Variants in TMX3 observed in about 807,000 individuals in gnomAD.
TMX3 encodes thioredoxin related transmembrane protein 3, also known as protein disulfide-isomerase TMX3.
A neutral mutation model predicts 64.4 loss-of-function variants in TMX3; 40 were observed. That is an observed-to-expected ratio of 0.62 (90% confidence interval 0.48 to 0.81). TMX3 has a LOEUF of 0.81. TMX3 is among the 30% of genes least tolerant of loss of function. The pLI, the probability that TMX3 is intolerant of heterozygous loss-of-function variation, is 0.00. For synonymous variants in TMX3, 189 were observed against 175.7 expected (o/e 1.08, Z -0.60); for missense variants, 497 against 534.5 (o/e 0.93, Z 0.69).
In TMX3 at chr18:68,679,482, T is replaced by C; in HGVS notation, c.1085A>G (p.Asp362Gly). 1 of 1,612,230 alleles carries C rather than the reference T, an allele frequency of 6.2e-7. No homozygotes were observed. The highest frequency in any genetic ancestry group is 8.5e-7 in the Non-Finnish European group (1 of 1,179,178). Residue 362 changes from aspartate to glycine, a missense_variant, in exon 15 of 16, where the codon GAT becomes GGT. By Grantham distance (94) the Asp-to-Gly change is moderately conservative. Around this residue, in one of 3 missense-constraint regions of TMX3, gnomAD observed 43 missense variants for 75.3 expected, o/e 0.57. Transcript: ENST00000299608. Reference protein sequence around the residue: ...ILQRLKRIVFDAKSTIVSIFK... With the variant: ...ILQRLKRIVFGAKSTIVSIFK... ...ACTTACCACAATAGTAGATTTGGCA[T>C]CAAATACTATTCTTTTCAATCTCTG...
At chr18:68,695,178 T>C (rs188481874) in intron 8 of TMX3, among the ~76,000 whole-genome samples, 68 of 152,308 alleles carry the variant, frequency 4.5e-4, no homozygotes, top group Non-Finnish European at 9.0e-4. Flanking sequence ...AACCTCCATG[T>C]GGACACACAT....
Position 68,712,806 on chromosome 18 carries a change from C to A in TMX3, c.101+1040G>T, listed in dbSNP as rs75647034. 5.3e-3 allele frequency among the ~76,000 whole-genome samples: 812 copies of A among 152,170 alleles called. 9 individuals carry two copies. Among genetic ancestry groups the A allele is most frequent in the African/African-American group, 0.019 (771 of 41,512 alleles). ...TCAGTGAGCATCCCCCATGACCCAA[C>A]AGCATGAGCAGCGAAGTGCCCCCAT... is the stretch of plus-strand genomic sequence containing the variant. On this transcript the variant is annotated intron_variant, in intron 2 of 15. Transcript: ENST00000299608.
At chr18:68,700,899 C>T in intron 5 of TMX3, 2 of 984,894 alleles carry the variant, frequency 2.0e-6, no homozygotes, top group Non-Finnish European at 2.4e-6. Context: ...TACAACATGA[C>T]AGTTACTTGA....
At position 68,689,062 on chromosome 18, in the gene TMX3, T is replaced by C. The variant is rs1914244822; in HGVS notation, c.638-1297A>G. The stretch of plus-strand genomic sequence containing the variant: ...CTGAATCTAAAATAAAAGCTGAAAT[T>C]ATATATGTAAGAAAGGAAATATACT... On this transcript the variant is annotated intron_variant, in intron 9 of 15. Coordinates refer to ENST00000299608, the MANE Select transcript of TMX3 (RefSeq NM_019022.5). 6.6e-5 allele frequency: 10 copies of C among 152,182 alleles called. No individual in the cohort carries two copies. The South Asian group carries it at 2.1e-3, about 32-fold the overall frequency. The allele number at this position is 152,182 out of a possible 1,614,324, so 9.4% of individuals were successfully genotyped here.
chr18:68,677,160 A>C lies in TMX3; in HGVS notation c.1138T>G (p.Phe380Val), dbSNP rs1367280761. The change falls in exon 16 of 16, where the codon TTT becomes GTT. Residue 380 changes from phenylalanine to valine, a missense_variant. Phe to Val is a conservative substitution (Grantham distance 50). Coordinates refer to ENST00000299608, the MANE Select transcript of TMX3 (RefSeq NM_019022.5). ...ACACCCAGTGGCAGGCCAAAGAGAA[A>C]GCAGCCCATCAGTGGTGAGCTCTTG... Reference protein sequence around the residue: ...IFKSSPLMGCFLFGLPLGVIS... With the variant: ...IFKSSPLMGCVLFGLPLGVIS... 6.2e-7 allele frequency: 1 copy of C among 1,613,644 alleles called. No homozygotes were observed. The highest frequency in any genetic ancestry group is 8.5e-7 in the Non-Finnish European group (1 of 1,179,724).
intron 10 of TMX3, among the ~76,000 whole-genome samples, chr18:68,686,537 C>T (rs942545692): frequency 1.3e-5 from 2 of 152,004 alleles, no homozygotes; most frequent in Non-Finnish European, 2.9e-5. Context: ...GGTGAAACCC[C>T]GTCTCTGCTA....
intron 8 of TMX3, among the ~76,000 whole-genome samples, chr18:68,693,652 G>A (rs1182112514): frequency 6.6e-6 from 1 of 152,172 alleles, no homozygotes; most frequent in Non-Finnish European, 1.5e-5. Flanking sequence ...GCGTGGGAGG[G>A]AGGCTGGCTC....
intron 3 of TMX3, among the ~76,000 whole-genome samples, chr18:68,710,516 A>G (rs1465955754): frequency 6.6e-6 from 1 of 152,008 alleles, no homozygotes; most frequent in Non-Finnish European, 1.5e-5. Flanking sequence ...ATTGTTAATG[A>G]TAATATCAAT....
intron 15 of TMX3, among the ~76,000 whole-genome samples, chr18:68,679,213 A>G (rs2145005043): frequency 6.6e-6 from 1 of 152,296 alleles, no homozygotes; most frequent in South Asian, 2.1e-4. Flanking sequence ...AGGTTGCAGA[A>G]ATAAAATCTT....
chr18:68,677,241 TATA>T, intron 15 of TMX3, 48 bp from the exon 16 acceptor site: 4 of 1,564,156 alleles, frequency 2.6e-6, no homozygotes, highest in Non-Finnish European at 3.5e-6. Context: ...GTAATTCTGA[TATA>T]TATAGCATGA....
At chr18:68,679,340 A>G in intron 15 of TMX3, 123 bp downstream of exon 15, 1 of 662,302 alleles carries the variant, frequency 1.5e-6, no homozygotes, top group Admixed American at 3.4e-5. Context: ...CTGACTAGTC[A>G]TATCCTGCAA....
At chr18:68,711,439 T>C in intron 2 of TMX3, 36 bp from the exon 3 acceptor site, 2 of 1,489,060 alleles carry the variant, frequency 1.3e-6, no homozygotes, top group Non-Finnish European at 1.9e-6. Flanking sequence ...GATTGTATGT[T>C]TGTGTCCACT....
At chr18:68,693,530 C>G (rs138075012) in intron 8 of TMX3, among the ~76,000 whole-genome samples, 1 of 152,130 alleles carries the variant, frequency 6.6e-6, no homozygotes, top group Admixed American at 6.5e-5. Context: ...AAGTTGTGGC[C>G]GAGCCTGAGT....
chr18:68,686,059 G>C (rs539621581), intron 10 of TMX3, among the ~76,000 whole-genome samples: 2 of 152,252 alleles, frequency 1.3e-5, no homozygotes, highest in East Asian at 1.9e-4. Context: ...TGTGAGGCTA[G>C]AGTGAAATGA....
chr18:68,687,643 G>A lies in TMX3; in HGVS notation c.736+24C>T, dbSNP rs376920086. 14 of 1,574,378 alleles carry A rather than the reference G, an allele frequency of 8.9e-6. No individual in the cohort carries two copies. In the African/African-American group the frequency reaches 1.5e-4, roughly 17 times the overall value. On this transcript the variant is annotated intron_variant, in intron 10 of 15. Transcript: ENST00000299608. ...CAAAGAAAAATCATGTAACATAATGGAGACTTGTACATATGCTTGTTACCT... is the reference window on the plus strand; with the variant it reads ...CAAAGAAAAATCATGTAACATAATGAAGACTTGTACATATGCTTGTTACCT...
At chr18:68,709,521 C>T (rs902861353) in intron 4 of TMX3, among the ~76,000 whole-genome samples, 1 of 152,090 alleles carries the variant, frequency 6.6e-6, no homozygotes, top group Non-Finnish European at 1.5e-5. Flanking sequence ...CCAAGGTTTG[C>T]TCACCTTCAC....
At chr18:68,708,005 A>G (rs576022075) in intron 4 of TMX3, among the ~76,000 whole-genome samples, 56 of 145,546 alleles carry the variant, frequency 3.8e-4, no homozygotes, top group African/African-American at 1.5e-3. Flanking sequence ...GTGTATATAT[A>G]TGTGTATATG....
intron 9 of TMX3, chr18:68,689,084 T>C (rs938026960): frequency 1.1e-4 from 17 of 152,194 alleles, no homozygotes; most frequent in African/African-American, 4.1e-4. Context: ...AAAGGAAATA[T>C]ACTCCCAAGT....
At chr18:68,695,577 T>C (rs1914980992) in intron 8 of TMX3, among the ~76,000 whole-genome samples, 1 of 152,226 alleles carries the variant, frequency 6.6e-6, no homozygotes, top group Non-Finnish European at 1.5e-5. Flanking sequence ...CACCACCCTC[T>C]ACCCAATTGT....
Sources: gnomAD v4.1 joint callset for allele counts (sites outside exome capture counted in the v4.1 genomes callset) on GRCh38, gnomAD v4.1.1 for gene constraint, gnomAD v4.1.1 regional missense constraint, MANE v1.5 for transcripts, NCBI Gene and HGNC (gene_info 2026-07-23, HGNC 2026-07-21) for gene names.